DOCK5: variants seen among roughly 807,000 people sequenced by gnomAD.
The protein encoded by DOCK5 is dedicator of cytokinesis protein 5.
Under a neutral mutation model 251.8 loss-of-function variants are expected in DOCK5, and 142 were observed. The ratio of observed to expected loss-of-function variants is 0.56; its 90% CI spans 0.49 to 0.65. The LOEUF (loss-of-function observed/expected upper bound fraction) is 0.65, where lower values mean the gene tolerates loss of function less well. DOCK5 is among the 30% of genes least tolerant of loss of function. The pLI is 0.00. For missense variants in DOCK5, 2,111 were observed against 2,312.3 expected (o/e 0.91, Z 1.79); for synonymous variants, 842 against 835.5 (o/e 1.01, Z -0.13).
intron 43 of DOCK5, among the ~76,000 whole-genome samples, 187 bp downstream of exon 43, chr8:25,392,167 G>C (rs1801271290): frequency 6.6e-6 from 1 of 152,122 alleles, no homozygotes. Context: ...AGCCGGGCGT[G>C]GTGGCACGCA....
chr8:25,343,846 C>T (rs757647069), intron 25 of DOCK5, among the ~76,000 whole-genome samples: 14 of 152,170 alleles, frequency 9.2e-5, no homozygotes, highest in Non-Finnish European at 1.5e-4. Flanking sequence ...CACTCTTTCG[C>T]CCAGGCTGGA....
At chr8:25,392,767 A>G (rs754864165) in intron 43 of DOCK5, 29 bp from the exon 44 acceptor site, 6 of 1,590,426 alleles carry the variant, frequency 3.8e-6, no homozygotes, top group Non-Finnish European at 5.2e-6. Flanking sequence ...GAATTGACCA[A>G]CATTTCATGT....
Position 25,231,935 on chromosome 8 carries a change from A to G in DOCK5, c.44-11739A>G, listed in dbSNP as rs890603475. ...ATGATCATATTTTTTTCCTTTTTTC[A>G]TCATAATATGTTGGGTGATGTTGAT... is the stretch of plus-strand genomic sequence containing the variant. On this transcript the variant is annotated intron_variant, in intron 1 of 51. Transcript: ENST00000276440. 2.0e-5 allele frequency among the ~76,000 whole-genome samples: 3 copies of G among 151,794 alleles called. 1 individual carries two copies. The highest frequency in any genetic ancestry group is 4.4e-5 in the Non-Finnish European group (3 of 67,968).
intron 40 of DOCK5, among the ~76,000 whole-genome samples, chr8:25,384,237 A>G (rs978915823): frequency 1.3e-5 from 2 of 152,266 alleles, no homozygotes; most frequent in South Asian, 2.1e-4. Context: ...AACGCTTCCT[A>G]TCAGGACAGA....
At chr8:25,376,447 T>G in intron 37 of DOCK5, 1 of 834,798 alleles carries the variant, frequency 1.2e-6, no homozygotes, top group Non-Finnish European at 1.4e-6. Context: ...TGGGTCTCTG[T>G]CTGTTCATGT....
intron 23 of DOCK5, 111 bp downstream of exon 23, chr8:25,341,099 CA>C (rs1174800235): frequency 2.9e-6 from 2 of 686,890 alleles, no homozygotes; most frequent in Non-Finnish European, 4.9e-6. Context: ...ATGGTTCATG[CA>C]TAGCTTATGA....
intron 48 of DOCK5, among the ~76,000 whole-genome samples, chr8:25,406,093 A>G (rs1297462852): frequency 1.3e-5 from 2 of 151,878 alleles, no homozygotes; most frequent in Non-Finnish European, 2.9e-5. Context: ...CGAGTAGCTG[A>G]GACTACAGGC....
At chr8:25,205,307 T>G (rs1479671643) in intron 1 of DOCK5, among the ~76,000 whole-genome samples, 2 of 152,080 alleles carry the variant, frequency 1.3e-5, no homozygotes, top group African/African-American at 4.8e-5. Flanking sequence ...CTATGCTATG[T>G]GAGGATACAA....
chr8:25,406,973 T>C (rs932511776), intron 48 of DOCK5, among the ~76,000 whole-genome samples: 8 of 152,204 alleles, frequency 5.3e-5, no homozygotes, highest in Non-Finnish European at 7.3e-5. Flanking sequence ...TTGATGGCAG[T>C]TGACATTGCA....
At chr8:25,400,213 C>T (rs2659593) in intron 46 of DOCK5, among the ~76,000 whole-genome samples, 146,052 of 152,170 alleles carry the variant, frequency 0.96, 70,328 homozygotes, top group East Asian at 1. Flanking sequence ...AGTTCATCGG[C>T]TGGGGCCGGG....
intron 30 of DOCK5, among the ~76,000 whole-genome samples, chr8:25,366,151 T>C (rs1283152508): frequency 2.6e-5 from 4 of 152,254 alleles, no homozygotes; most frequent in African/African-American, 7.2e-5. Flanking sequence ...TTTTCTATTA[T>C]ATTAAATAAC....
At chr8:25,257,231 G>A (rs1402773013) in intron 2 of DOCK5, among the ~76,000 whole-genome samples, 1 of 152,136 alleles carries the variant, frequency 6.6e-6, no homozygotes, top group East Asian at 1.9e-4. Flanking sequence ...TACCTTCCGT[G>A]TCTGACATTT....
At chr8:25,269,616 G>A (rs1370661817) in intron 3 of DOCK5, among the ~76,000 whole-genome samples, 7 of 152,092 alleles carry the variant, frequency 4.6e-5, no homozygotes, top group South Asian at 2.1e-4. Flanking sequence ...ACTACTAATC[G>A]TCAGGCTAAA....
chr8:25,401,649 G>T (rs945242025), intron 47 of DOCK5, among the ~76,000 whole-genome samples: 1 of 152,098 alleles, frequency 6.6e-6, no homozygotes, highest in Non-Finnish European at 1.5e-5. Context: ...CAAGAGAATT[G>T]CTTGTACCCA....
chr8:25,264,688 A>G (rs1377453556), intron 2 of DOCK5, among the ~76,000 whole-genome samples: 1 of 151,852 alleles, frequency 6.6e-6, no homozygotes, highest in Non-Finnish European at 1.5e-5. Flanking sequence ...TAAGCTAGGC[A>G]TGGTGGCACA....
At chr8:25,214,795 T>C (rs189980190) in intron 1 of DOCK5, among the ~76,000 whole-genome samples, 9 of 152,300 alleles carry the variant, frequency 5.9e-5, no homozygotes, top group African/African-American at 2.2e-4. Flanking sequence ...GGATGTTGGG[T>C]TGTGACACGC....
chr8:25,198,940 T>G (rs1801801628), intron 1 of DOCK5, among the ~76,000 whole-genome samples: 1 of 152,180 alleles, frequency 6.6e-6, no homozygotes, highest in Non-Finnish European at 1.5e-5. Flanking sequence ...TTGTTATAAG[T>G]AAGGTTTGGC....
At chr8:25,206,505 CT>C (rs778978971) in intron 1 of DOCK5, among the ~76,000 whole-genome samples, 1 of 152,176 alleles carries the variant, frequency 6.6e-6, no homozygotes, top group African/African-American at 2.4e-5. Context: ...ACAGTTGGCC[CT>C]TCCAAACTAG....
chr8:25,409,995 G>T, intron 50 of DOCK5, 104 bp from the exon 51 acceptor site: 2 of 883,126 alleles, frequency 2.3e-6, no homozygotes, highest in Admixed American at 4.6e-5. Flanking sequence ...GCTTTCATCA[G>T]TTGGTTGACC....
Sources: gnomAD v4.1 joint callset for allele counts (sites outside exome capture counted in the v4.1 genomes callset) on GRCh38, gnomAD v4.1.1 for gene constraint, MANE v1.5 for transcripts, NCBI Gene and HGNC (gene_info 2026-07-23, HGNC 2026-07-21) for gene names.